GSDMB: variants seen among roughly 807,000 people sequenced by gnomAD.
GSDMB encodes the protein gasdermin-B.
In GSDMB, 32 loss-of-function variants were observed where a neutral mutation model predicts 42.9. That is an observed-to-expected ratio of 0.75 (90% CI 0.56 to 1.00). The LOEUF (loss-of-function observed/expected upper bound fraction) is 1.00. Among genes scored for constraint, GSDMB ranks in the 50% least tolerant of loss-of-function variants. The pLI is 0.00. For synonymous variants in GSDMB, 175 were observed against 193.7 expected (o/e 0.90, Z 0.80); for missense variants, 468 against 498.5 (o/e 0.94, Z 0.58).
At chr17:39,914,385 G>A (rs1486205663) in intron 2 of GSDMB, among the ~76,000 whole-genome samples, 1 of 152,156 alleles carries the variant, frequency 6.6e-6, no homozygotes, top group African/African-American at 2.4e-5. Context: ...CAGCCAAGAG[G>A]AGCCTAAGGA....
chr17:39,912,497 C>G lies in GSDMB; in HGVS notation c.236G>C (p.Gly79Ala). 6.2e-7 allele frequency: 1 copy of G among 1,610,760 alleles called. No individual in the cohort carries two copies. Among genetic ancestry groups the G allele is most frequent in the Non-Finnish European group, 8.5e-7 (1 of 1,177,000 alleles). The part of the protein sequence containing the change: ...WLDELDSGLQ[G>A]QKAEFQILDN... ...CAGAATTTGAAACTCAGCCTTTTGA[C>G]CTGGAAAGAGAATGATAAAGGTCAC... The change falls in exon 3 of 11, where the codon GGT becomes GCT. Residue 79 changes from glycine (G) to alanine (A), a missense_variant and splice_region_variant. Physicochemically the swap from Gly to Ala is moderately conservative, Grantham distance 60 (BLOSUM62 0). Transcript: ENST00000418519.
chr17:39,911,336 AG>A (rs1292671135), intron 3 of GSDMB, among the ~76,000 whole-genome samples: 2 of 149,048 alleles, frequency 1.3e-5, no homozygotes, highest in Non-Finnish European at 1.5e-5. Flanking sequence ...AAAAAAAAAA[AG>A]GAAAAGGAAA....
intron 2 of GSDMB, among the ~76,000 whole-genome samples, chr17:39,916,154 GT>G (rs2063705412): frequency 6.6e-6 from 1 of 152,012 alleles, no homozygotes; most frequent in Non-Finnish European, 1.5e-5. Flanking sequence ...TTCCCCTTCA[GT>G]CTTGATAGCC....
intron 7 of GSDMB, 36 bp from the exon 8 acceptor site, chr17:39,906,307 G>T: frequency 6.2e-7 from 1 of 1,604,222 alleles, no homozygotes; most frequent in South Asian, 1.1e-5. Context: ...GGGCCACCCA[G>T]CCCAAAAGGT....
At chr17:39,914,403 C>T (rs1017679434) in intron 2 of GSDMB, among the ~76,000 whole-genome samples, 3 of 152,160 alleles carry the variant, frequency 2.0e-5, no homozygotes, top group Non-Finnish European at 4.4e-5. Flanking sequence ...GGAGACATGA[C>T]AACGAAATGT....
At chr17:39,908,854 A>ACCAG in intron 5 of GSDMB, 104 bp downstream of exon 5, 1 of 766,412 alleles carries the variant, frequency 1.3e-6, no homozygotes, top group Non-Finnish European at 2.3e-6. Context: ...CTCCAAGCTC[A>ACCAG]CCAGCCACCC....
intron 3 of GSDMB, among the ~76,000 whole-genome samples, chr17:39,911,623 G>A (rs990873702): frequency 3.3e-5 from 5 of 152,124 alleles, no homozygotes; most frequent in African/African-American, 4.8e-5. Context: ...TGCTTTCCTC[G>A]TGCTTCACTT....
At chr17:39,913,790 C>T (rs543379092) in intron 2 of GSDMB, among the ~76,000 whole-genome samples, 4 of 152,224 alleles carry the variant, frequency 2.6e-5, no homozygotes, top group South Asian at 2.1e-4. Context: ...GTGGGCATGC[C>T]GAAGGGGCTG....
At chr17:39,911,284 T>C (rs902317227) in intron 3 of GSDMB, among the ~76,000 whole-genome samples, 9 of 139,752 alleles carry the variant, frequency 6.4e-5, no homozygotes, top group Admixed American at 2.3e-4. Context: ...GAATGTACCA[T>C]TGCACTCCAG....
At chr17:39,914,964 G>A (rs1024338027) in intron 2 of GSDMB, among the ~76,000 whole-genome samples, 5 of 151,574 alleles carry the variant, frequency 3.3e-5, no homozygotes, top group African/African-American at 1.2e-4. Context: ...AGCCTCCCGA[G>A]TAGCTGGGAT....
At position 39,905,495 on chromosome 17, in the gene GSDMB, C is replaced by T; in HGVS notation, c.1029G>A (p.Glu343=). 6.2e-7 allele frequency: 1 copy of T among 1,608,186 alleles called. No individual in the cohort carries two copies. Among genetic ancestry groups the T allele is most frequent in the Non-Finnish European group, 8.5e-7 (1 of 1,176,766 alleles). The change falls in exon 10 of 11, where the codon GAG becomes GAA. Residue 343 remains glutamate (E), a splice_region_variant and synonymous_variant. Coordinates refer to ENST00000418519, the MANE Select transcript of GSDMB (RefSeq NM_001165958.2). ...CCACAAACTGCTGCTCTTCAGACAGCTCTGGGGGCAAAGAAAGAGTGGTAA... is the reference window on the plus strand; with the variant it reads ...CCACAAACTGCTGCTCTTCAGACAGTTCTGGGGGCAAAGAAAGAGTGGTAA... ...AILDFLDALL[E]LSEEQQFVAE...
chr17:39,905,519 A>G (rs1407922710), intron 9 of GSDMB, 23 bp from the exon 10 acceptor site: 10 of 1,583,906 alleles, frequency 6.3e-6, no homozygotes, highest in Non-Finnish European at 8.6e-6. Context: ...AAAGAGTGGT[A>G]AAAAGGAGAG....
In GSDMB at chr17:39,909,859, A is replaced by G. The variant is rs2063575683; in HGVS notation, c.473T>C (p.Val158Ala). 1.2e-6 allele frequency: 2 copies of G among 1,613,666 alleles called. No homozygotes were observed. The highest frequency in any genetic ancestry group is 2.2e-5 in the South Asian group (2 of 91,086). The change falls in exon 4 of 11, where the codon GTG becomes GCG. Residue 158 changes from valine (V) to alanine (A), a missense_variant. Transcript: ENST00000418519. ...SINTRENLYL[V>A]TETLETVKEE... ...CTTTACCGTCTCCAGAGTTTCTGTC[A>G]CCAGATACAGGTTTTCTCTCGTATT...
In GSDMB at chr17:39,917,289, T is replaced by C. The variant is rs928233567; in HGVS notation, c.28A>G (p.Arg10Gly). 1.2e-6 allele frequency: 2 copies of C among 1,613,460 alleles called. No individual in the cohort carries two copies. Among genetic ancestry groups the C allele is most frequent in the Non-Finnish European group, 8.5e-7 (1 of 1,179,370 alleles). ...GCATCCATCTCCTTAACTACAATTC[T>C]TGTGATTTCCTCAAATACGCTGAAC... MFSVFEEIT[R>G]IVVKEMDAGG... Residue 10 changes from arginine to glycine, a missense_variant, in exon 2 of 11, where the codon AGA becomes GGA. Physicochemically the swap from Arg to Gly is moderately radical, Grantham distance 125. Coordinates refer to ENST00000418519, the MANE Select transcript of GSDMB (RefSeq NM_001165958.2).
At position 39,904,928 on chromosome 17, in the gene GSDMB, C is replaced by A; in HGVS notation, c.1135G>T (p.Ala379Ser). The change falls in exon 11 of 11, where the codon GCC becomes TCC. Residue 379 changes from alanine to serine, a missense_variant. Physicochemically the swap from Ala to Ser is moderately conservative, Grantham distance 99 (BLOSUM62 1). Coordinates refer to ENST00000418519, the MANE Select transcript of GSDMB (RefSeq NM_001165958.2). ...TAGTCCATGTCAGGAGGACTGCTGG[C>A]CAGCTCATCCCAGTTCTGCTCCATG... is the stretch of plus-strand genomic sequence containing the variant. ...SVMEQNWDEL[A>S]SSPPDMDYDP... 6.2e-7 allele frequency: 1 copy of A among 1,613,758 alleles called. No individual in the cohort carries two copies. Among genetic ancestry groups the A allele is most frequent in the South Asian group, 1.1e-5 (1 of 91,082 alleles).
At chr17:39,913,038 C>T (rs769574905) in intron 2 of GSDMB, among the ~76,000 whole-genome samples, 8 of 151,910 alleles carry the variant, frequency 5.3e-5, no homozygotes, top group Non-Finnish European at 1.2e-4. Context: ...ACCCAGGAGG[C>T]GGAGGTTGCA....
chr17:39,908,088 G>T, intron 6 of GSDMB, 88 bp downstream of exon 6: 1 of 804,446 alleles, frequency 1.2e-6, no homozygotes, highest in Non-Finnish European at 2.1e-6. Context: ...CCACATCCTC[G>T]GACCTAACCA....
At chr17:39,915,254 G>T (rs140468738) in intron 2 of GSDMB, among the ~76,000 whole-genome samples, 2 of 152,230 alleles carry the variant, frequency 1.3e-5, no homozygotes, top group African/African-American at 4.8e-5. Context: ...TTACAGGCGC[G>T]AGCCACTGTG....
intron 2 of GSDMB, among the ~76,000 whole-genome samples, chr17:39,914,761 C>CAAA (rs71152627): frequency 0.018 from 1,631 of 90,560 alleles, 90 homozygotes; most frequent in African/African-American, 0.064. Context: ...CACTCCATCT[C>CAAA]AAAAAAAAAA....
Sources: allele counts gnomAD v4.1 joint callset (sites outside exome capture counted in the v4.1 genomes callset), GRCh38; gene constraint gnomAD v4.1.1; transcripts MANE v1.5; gene names NCBI Gene and HGNC (gene_info 2026-07-23, HGNC 2026-07-21).